The following ATP9A variants were observed in gnomAD, a reference collection of about 807,000 sequenced individuals.
The protein encoded by ATP9A is probable phospholipid-transporting ATPase IIA.
Under a neutral mutation model 144.1 loss-of-function variants are expected in ATP9A, and 52 were observed. The observed-to-expected ratio is 0.36, with a 90% CI of 0.29 to 0.45. The LOEUF (loss-of-function observed/expected upper bound fraction) is 0.45. Ranked by LOEUF, ATP9A falls within the 20% of genes least tolerant of loss-of-function variation. The pLI, the probability that ATP9A is intolerant of heterozygous loss-of-function variation, is 1.00. For synonymous variants in ATP9A, 582 were observed against 557.4 expected, an observed-to-expected ratio of 1.04 and a Z score of -0.62; for missense variants, 947 against 1,392.7, an observed-to-expected ratio of 0.68 and a Z score of 5.09.
At position 51,634,990 on chromosome 20, in the gene ATP9A, GCCC is replaced by G. The variant is rs909659278; in HGVS notation, c.1668+4350_1668+4352del. Reference sequence around the variant, plus strand: ...GGAAGTCTTCAAAGTGGCTCGCAATGCCCCCCACCTCCTGGTACTCATGCTGTG... The same window carrying G: ...GGAAGTCTTCAAAGTGGCTCGCAATGCCCACCTCCTGGTACTCATGCTGTG... On this transcript the variant is annotated intron_variant, in intron 15 of 27. Transcript: ENST00000338821. Among the ~76,000 whole-genome samples, 95 of 150,694 alleles carry G rather than the reference GCCC, an allele frequency of 6.3e-4. 1 individual carries two copies. Among genetic ancestry groups the G allele is most frequent in the African/African-American group, 2.2e-3 (90 of 40,852 alleles).
At chr20:51,706,093 G>A (rs987276459) in intron 4 of ATP9A, among the ~76,000 whole-genome samples, 12 of 152,218 alleles carry the variant, frequency 7.9e-5, no homozygotes, top group African/African-American at 2.9e-4. Flanking sequence ...TGACAATGAG[G>A]AGGCTAGATT....
In ATP9A at chr20:51,610,133, G is replaced by A. The variant is rs148713102; in HGVS notation, c.2604C>T (p.Ser868=). ...TGAGGAATCCTTGATAGAGAGGGAC[G>A]GAGGCAAAGTAAAACACGGAGGAAA... ...AVFSSVFYFA[S]VPLYQGFLII... The change falls in exon 24 of 28, where the codon TCC becomes TCT. Residue 868 remains serine, a synonymous_variant. Coordinates refer to ENST00000338821, the MANE Select transcript of ATP9A (RefSeq NM_006045.3). The A allele has an allele frequency of 2.9e-5, 46 of 1,610,302 alleles. No individual in the cohort carries two copies. In the Admixed American group the frequency reaches 6.0e-4, roughly 21 times the overall value.
At chr20:51,723,610 G>C (rs1024035684) in intron 3 of ATP9A, among the ~76,000 whole-genome samples, 1 of 145,886 alleles carries the variant, frequency 6.9e-6, no homozygotes, top group African/African-American at 2.5e-5. Context: ...CTGTTGACCA[G>C]GCTGGAGTAC....
chr20:51,680,002 G>T (rs1458041577), intron 9 of ATP9A, among the ~76,000 whole-genome samples: 1 of 152,072 alleles, frequency 6.6e-6, no homozygotes, highest in Non-Finnish European at 1.5e-5. Flanking sequence ...GGCTGAGGCG[G>T]GTGGATCACT....
intron 27 of ATP9A, 105 bp from the exon 28 acceptor site, chr20:51,601,452 G>A (rs937419764): frequency 1.4e-5 from 17 of 1,212,476 alleles, no homozygotes; most frequent in African/African-American, 6.1e-5. Flanking sequence ...GTCATCTCCC[G>A]TCACAAACCC....
chr20:51,673,051 C>A (rs1241699237), intron 11 of ATP9A, among the ~76,000 whole-genome samples: 1 of 152,008 alleles, frequency 6.6e-6, no homozygotes, highest in African/African-American at 2.4e-5. Context: ...TCACTTTTTT[C>A]TACTATGAAA....
At chr20:51,709,210 C>G (rs190117344) in intron 4 of ATP9A, among the ~76,000 whole-genome samples, 90 of 152,122 alleles carry the variant, frequency 5.9e-4, no homozygotes, top group African/African-American at 2.1e-3. Flanking sequence ...TTGGGGGAAA[C>G]AAAAGTATTA....
Position 51,596,767 on chromosome 20 carries a change from C to T in ATP9A, c.*4444G>A, listed in dbSNP as rs1407157990. On this transcript the variant is annotated 3_prime_UTR_variant, in exon 28 of 28. Transcript: ENST00000338821. ...ATGTTTCTGTACAAATTAAAATAAT[C>T]CCCCAAGGCAGAACGTACACAAGCT... 2 of 152,106 alleles carry T rather than the reference C, an allele frequency of 1.3e-5. No individual in the cohort carries two copies. Among genetic ancestry groups the T allele is most frequent in the Non-Finnish European group, 2.9e-5 (2 of 68,030 alleles). The allele number at this position is 152,106 out of a possible 1,614,324, so 9.4% of individuals were successfully genotyped here.
At chr20:51,723,591 A>T (rs1465079277) in intron 3 of ATP9A, among the ~76,000 whole-genome samples, 2 of 130,008 alleles carry the variant, frequency 1.5e-5, no homozygotes, top group African/African-American at 5.7e-5. Flanking sequence ...TTTGAGACGG[A>T]GTCTCGCTCT....
At chr20:51,609,980 TG>T in intron 24 of ATP9A, 120 bp downstream of exon 24, 1 of 823,762 alleles carries the variant, frequency 1.2e-6, no homozygotes, top group Non-Finnish European at 2.0e-6. Context: ...CTGCATTCGC[TG>T]GGGCTGGGAA....
In ATP9A at chr20:51,698,873, A is replaced by G. The variant is rs544517013; in HGVS notation, c.437-1391T>C. ...GCGAGAGATGAAAGTGGAAGGGGCC[A>G]GTTGGGGCCAGGTGGCCCCACACCC... is the stretch of plus-strand genomic sequence containing the variant. On this transcript the variant is annotated intron_variant, in intron 4 of 27. Coordinates refer to ENST00000338821, the MANE Select transcript of ATP9A (RefSeq NM_006045.3). Among the ~76,000 whole-genome samples the G allele has an allele frequency of 2.6e-4, 40 of 152,324 alleles. 2 individuals are homozygous for G. In the East Asian group the frequency reaches 7.5e-3, roughly 29 times the overall value.
At chr20:51,651,167 C>CATGTATATATATAT (rs1555832969) in intron 14 of ATP9A, among the ~76,000 whole-genome samples, 4 of 130,150 alleles carry the variant, frequency 3.1e-5, no homozygotes, top group African/African-American at 1.1e-4. Flanking sequence ...TATATATATA[C>CATGTATATATATAT]ACACACACAC....
chr20:51,759,313 CA>C (rs1295074226), intron 1 of ATP9A, among the ~76,000 whole-genome samples: 11 of 152,206 alleles, frequency 7.2e-5, no homozygotes, highest in African/African-American at 2.7e-4. Flanking sequence ...TCCCCTCCCT[CA>C]AAACATACCC....
Position 51,748,895 on chromosome 20 carries a change from C to A in ATP9A, c.69-18917G>T, listed in dbSNP as rs566482602. Among the ~76,000 whole-genome samples the A allele has an allele frequency of 5.1e-5, 7 of 136,946 alleles. No homozygotes were observed. The South Asian group carries it at 1.6e-3, about 32-fold the overall frequency. The allele number at this position is 136,946 out of a possible 152,430, so 89.8% of individuals were successfully genotyped here. ...AGATCAAGACCAGCCTGGGTGACAG[C>A]GCCTCTAAAGATTAGATAGATAGAT... On this transcript the variant is annotated intron_variant, in intron 1 of 27. Coordinates refer to ENST00000338821, the MANE Select transcript of ATP9A (RefSeq NM_006045.3).
chr20:51,671,460 C>T (rs1405669181), intron 11 of ATP9A, among the ~76,000 whole-genome samples: 5 of 152,072 alleles, frequency 3.3e-5, no homozygotes, highest in African/African-American at 1.2e-4. Context: ...ATTATTGTCA[C>T]AAAGCTCATG....
intron 4 of ATP9A, among the ~76,000 whole-genome samples, chr20:51,710,111 G>A (rs1237211718): frequency 6.6e-6 from 1 of 152,092 alleles, no homozygotes; most frequent in African/African-American, 2.4e-5. Flanking sequence ...AGACCAGCCT[G>A]GCCAACATGG....
At chr20:51,670,820 T>A (rs373983300) in intron 12 of ATP9A, among the ~76,000 whole-genome samples, 75 of 152,184 alleles carry the variant, frequency 4.9e-4, no homozygotes, top group African/African-American at 1.7e-3. Context: ...TCACTTACCC[T>A]CTCTGGGCCA....
intron 3 of ATP9A, among the ~76,000 whole-genome samples, chr20:51,720,956 G>A (rs939283613): frequency 6.6e-6 from 1 of 152,218 alleles, no homozygotes; most frequent in Non-Finnish European, 1.5e-5. Flanking sequence ...TGTTATCAGA[G>A]GGGAAGGGAT....
intron 14 of ATP9A, among the ~76,000 whole-genome samples, chr20:51,641,819 G>A (rs1385706665): frequency 1.2e-5 from 1 of 86,242 alleles, no homozygotes. Context: ...CAACAAGAGC[G>A]AAACTCCATC....
Sources: allele counts gnomAD v4.1 joint callset (sites outside exome capture counted in the v4.1 genomes callset), GRCh38; gene constraint gnomAD v4.1.1; transcripts MANE v1.5; gene names NCBI Gene and HGNC (gene_info 2026-07-23, HGNC 2026-07-21).